The following LRP1B variants were observed in gnomAD, a reference collection of about 807,000 sequenced individuals.
LRP1B encodes LDL receptor related protein 1B, also known as low-density lipoprotein receptor-related protein 1B.
LRP1B carries 217 observed loss-of-function variants against 556.6 expected under a neutral mutation model. The observed-to-expected ratio is 0.39, with a 90% confidence interval of 0.35 to 0.44. LRP1B has a LOEUF of 0.44. Ranked by LOEUF, LRP1B falls within the 20% of genes least tolerant of loss-of-function variation. The pLI is 1.00. For synonymous variants in LRP1B, 2,047 were observed against 1,865.8 expected (o/e 1.10, Z -2.50); for missense variants, 5,053 against 5,620.8 (o/e 0.90, Z 3.23).
At chr2:141,750,609 A>C (rs1694073618) in intron 2 of LRP1B, among the ~76,000 whole-genome samples, 1 of 152,132 alleles carries the variant, frequency 6.6e-6, no homozygotes, top group African/African-American at 2.4e-5. Flanking sequence ...TTCTCAAAAC[A>C]CCATAAATTT....
intron 29 of LRP1B, among the ~76,000 whole-genome samples, chr2:140,847,528 G>A (rs1242688743): frequency 6.6e-6 from 1 of 152,054 alleles, no homozygotes; most frequent in South Asian, 2.1e-4. Flanking sequence ...CAGCACTTTG[G>A]GAGACAGAGG....
intron 1 of LRP1B, among the ~76,000 whole-genome samples, chr2:141,836,398 A>G (rs1484049698): frequency 1.3e-5 from 2 of 152,036 alleles, no homozygotes; most frequent in Non-Finnish European, 2.9e-5. Flanking sequence ...TGATACATCT[A>G]TGATAAATAC....
intron 18 of LRP1B, among the ~76,000 whole-genome samples, chr2:140,964,830 C>T (rs1003971413): frequency 1.3e-5 from 2 of 152,144 alleles, no homozygotes; most frequent in South Asian, 4.1e-4. Flanking sequence ...GCCTGGGTGG[C>T]TTGCCACCCA....
intron 82 of LRP1B, 101 bp from the exon 83 acceptor site, chr2:140,315,200 TCCATAA>T: frequency 1.3e-6 from 1 of 763,822 alleles, no homozygotes; most frequent in Non-Finnish European, 2.0e-6. Context: ...ATCTTGTGTT[TCCATAA>T]AATAATTAAC....
chr2:141,825,503 T>C (rs1696893176), intron 1 of LRP1B, among the ~76,000 whole-genome samples: 1 of 152,220 alleles, frequency 6.6e-6, no homozygotes, highest in Admixed American at 6.5e-5. Flanking sequence ...AGTGAGACAG[T>C]GATTTTCCTA....
intron 57 of LRP1B, among the ~76,000 whole-genome samples, chr2:140,492,038 T>G (rs1688722923): frequency 6.6e-6 from 1 of 152,144 alleles, no homozygotes; most frequent in Non-Finnish European, 1.5e-5. Flanking sequence ...CCTAATAAAC[T>G]TTTCTGTTTT....
intron 1 of LRP1B, among the ~76,000 whole-genome samples, chr2:142,117,310 C>T (rs779792401): frequency 2.6e-5 from 4 of 152,090 alleles, no homozygotes; most frequent in Non-Finnish European, 5.9e-5. Flanking sequence ...TTACGTTTAG[C>T]AAGGGGGAGG....
At chr2:140,316,948 G>A (rs1199509089) in intron 82 of LRP1B, among the ~76,000 whole-genome samples, 2 of 152,112 alleles carry the variant, frequency 1.3e-5, no homozygotes, top group African/African-American at 4.8e-5. Context: ...ATTTGTTAAA[G>A]TAAGCAAGTA....
At chr2:141,909,797 AC>A (rs1574484588) in intron 1 of LRP1B, among the ~76,000 whole-genome samples, 1 of 152,094 alleles carries the variant, frequency 6.6e-6, no homozygotes, top group East Asian at 1.9e-4. Context: ...TAACTGGTAG[AC>A]CTATTGTGTA....
intron 60 of LRP1B, among the ~76,000 whole-genome samples, chr2:140,469,369 T>C (rs1687675540): frequency 6.6e-6 from 1 of 152,180 alleles, no homozygotes; most frequent in Non-Finnish European, 1.5e-5. Flanking sequence ...TAGACACTGA[T>C]TCTACTGGCA....
At chr2:141,064,406 T>A (rs1238041019) in intron 7 of LRP1B, among the ~76,000 whole-genome samples, 3 of 151,936 alleles carry the variant, frequency 2.0e-5, no homozygotes, top group Non-Finnish European at 4.4e-5. Flanking sequence ...TTCATTCTTT[T>A]TGACCTTCTA....
In LRP1B at chr2:140,254,054, G is replaced by A. The variant is rs142938076; in HGVS notation, c.13248-6892C>T. On this transcript the variant is annotated intron_variant, in intron 86 of 90. Coordinates refer to ENST00000389484, the MANE Select transcript of LRP1B (RefSeq NM_018557.3). ...TCTTATGTTTTAGCTCAAAGTGAGA[G>A]TAAACAATAAAGATTTCTTCTACAA... 7.1e-3 allele frequency among the ~76,000 whole-genome samples: 1,076 copies of A among 152,186 alleles called. 14 individuals carry two copies. Among genetic ancestry groups the A allele is most frequent in the African/African-American group, 0.024 (1,002 of 41,530 alleles).
intron 1 of LRP1B, among the ~76,000 whole-genome samples, chr2:141,858,408 C>T (rs16847400): frequency 0.019 from 2,917 of 152,232 alleles, 76 homozygotes; most frequent in South Asian, 0.067. Context: ...ATAATTAGCA[C>T]TCTGCCTGAC....
chr2:140,449,281 T>C (rs1017898472), intron 63 of LRP1B, among the ~76,000 whole-genome samples: 2 of 152,156 alleles, frequency 1.3e-5, no homozygotes, highest in African/African-American at 4.8e-5. Context: ...ACTGTTATCA[T>C]AGAAAATTTA....
intron 2 of LRP1B, among the ~76,000 whole-genome samples, chr2:141,807,285 A>G (rs772003354): frequency 6.6e-6 from 1 of 151,992 alleles, no homozygotes; most frequent in Admixed American, 6.6e-5. Flanking sequence ...TTTTCTATGC[A>G]TGTCCAAATT....
rs532720974 is a variant in LRP1B, at chr2:141,983,026, T to C, written c.82+147622A>G. Among the ~76,000 whole-genome samples, 4 of 152,196 alleles carry C rather than the reference T, an allele frequency of 2.6e-5. 1 individual carries two copies. The South Asian group carries it at 6.2e-4, about 24-fold the overall frequency. On this transcript the variant is annotated intron_variant, in intron 1 of 90. Coordinates refer to ENST00000389484, the MANE Select transcript of LRP1B (RefSeq NM_018557.3). ...TTGAAGAGAAAAAATATAAAAACACTAAATAGTGTTCTAGAACAGGAAAGA... is the reference window on the plus strand; with the variant it reads ...TTGAAGAGAAAAAATATAAAAACACCAAATAGTGTTCTAGAACAGGAAAGA...
At chr2:141,934,968 G>T (rs992896191) in intron 1 of LRP1B, among the ~76,000 whole-genome samples, 2 of 152,102 alleles carry the variant, frequency 1.3e-5, no homozygotes, top group Non-Finnish European at 2.9e-5. Context: ...GCACTTTGAG[G>T]AGTGAAAGGG....
chr2:141,703,088 G>A (rs987700032), intron 2 of LRP1B, among the ~76,000 whole-genome samples: 3 of 151,898 alleles, frequency 2.0e-5, no homozygotes, highest in African/African-American at 7.2e-5. Context: ...GAGTTGTCCT[G>A]AATGTTTCTT....
intron 22 of LRP1B, among the ~76,000 whole-genome samples, chr2:140,904,734 C>T (rs1415263441): frequency 6.6e-6 from 1 of 152,120 alleles, no homozygotes; most frequent in Non-Finnish European, 1.5e-5. Flanking sequence ...CACCCATAAT[C>T]ATAAGCATCT....
Sources: allele counts gnomAD v4.1 joint callset (sites outside exome capture counted in the v4.1 genomes callset), GRCh38; gene constraint gnomAD v4.1.1; transcripts MANE v1.5; gene names NCBI Gene and HGNC (gene_info 2026-07-23, HGNC 2026-07-21).